AOX1: variants seen among roughly 807,000 people sequenced by gnomAD.
The protein encoded by AOX1 is aldehyde oxidase 1.
In AOX1, 153 loss-of-function variants were observed where a neutral mutation model predicts 169.5. That is an observed-to-expected ratio of 0.90 (90% CI 0.79 to 1.03). The LOEUF (loss-of-function observed/expected upper bound fraction) is 1.03, where lower values mean the gene tolerates loss of function less well. Among genes scored for constraint, AOX1 ranks in the 50% least tolerant of loss-of-function variants. The pLI is 0.00. For synonymous variants in AOX1, 562 were observed against 581.9 expected (o/e 0.97, Z 0.49); for missense variants, 1,656 against 1,663.9 (o/e 1.00, Z 0.08).
chr2:200,612,390 A>G (rs1306954562), intron 13 of AOX1, among the ~76,000 whole-genome samples: 4 of 152,186 alleles, frequency 2.6e-5, no homozygotes, highest in Non-Finnish European at 5.9e-5. Flanking sequence ...TTTTCTGGAG[A>G]TGCTGGGGGC....
intron 20 of AOX1, among the ~76,000 whole-genome samples, chr2:200,627,864 G>C (rs567229119): frequency 3.6e-4 from 55 of 152,198 alleles, no homozygotes; most frequent in African/African-American, 1.3e-3. Flanking sequence ...GAATTGATAG[G>C]CTTTATTAGG....
chr2:200,587,468 A>G (rs915068211), intron 1 of AOX1, among the ~76,000 whole-genome samples: 6 of 152,188 alleles, frequency 3.9e-5, no homozygotes, highest in Non-Finnish European at 7.4e-5. Flanking sequence ...ACCAGTGTGA[A>G]GCACCAGGCC....
chr2:200,613,698 A>T, intron 14 of AOX1, 106 bp from the exon 15 acceptor site: 2 of 1,137,016 alleles, frequency 1.8e-6, no homozygotes, highest in Non-Finnish European at 2.4e-6. Context: ...CAGAGCTTGT[A>T]CTCTTATTTC....
chr2:200,604,600 A>T, intron 8 of AOX1, 96 bp from the exon 9 acceptor site: 4 of 1,292,188 alleles, frequency 3.1e-6, no homozygotes, highest in Non-Finnish European at 4.4e-6. Context: ...GAAGATATGT[A>T]TTTTCTCATT....
chr2:200,652,190 T>G (rs1347786726), intron 26 of AOX1, among the ~76,000 whole-genome samples: 2 of 152,184 alleles, frequency 1.3e-5, no homozygotes, highest in African/African-American at 2.4e-5. Context: ...CCATCCCATA[T>G]CCATCCATTC....
chr2:200,665,578 C>G (rs1035031215), intron 31 of AOX1, among the ~76,000 whole-genome samples: 9 of 152,140 alleles, frequency 5.9e-5, no homozygotes, highest in African/African-American at 1.9e-4. Context: ...ACTACAGGCA[C>G]GTGCCATCAC....
At chr2:200,681,865 G>A (rs1379534410), downstream of AOX1, among the ~76,000 whole-genome samples, 1 of 151,932 alleles carries the variant, frequency 6.6e-6, no homozygotes, top group Admixed American at 6.5e-5. Flanking sequence ...GAAATATTAC[G>A]ACTCTAAAAT....
intron 23 of AOX1, 60 bp from the exon 24 acceptor site, chr2:200,641,038 G>T (rs753098903): frequency 4.1e-5 from 53 of 1,296,440 alleles, no homozygotes; most frequent in Non-Finnish European, 5.6e-5. Flanking sequence ...GTTTGCAAAT[G>T]ACAAAATTTG....
At chr2:200,603,546 A>G (rs1208141422) in intron 7 of AOX1, among the ~76,000 whole-genome samples, 190 bp downstream of exon 7, 1 of 152,216 alleles carries the variant, frequency 6.6e-6, no homozygotes, top group Non-Finnish European at 1.5e-5. Flanking sequence ...CATTCCAGAT[A>G]TTATTCCCAT....
intron 20 of AOX1, among the ~76,000 whole-genome samples, chr2:200,629,143 G>A (rs1330811650): frequency 1.3e-5 from 2 of 152,030 alleles, no homozygotes. Context: ...AGCGTGTCAG[G>A]GGCTGACTGG....
In AOX1 at chr2:200,586,022, G is replaced by T. The variant is rs919867429; in HGVS notation, c.-87G>T. On this transcript the variant is annotated 5_prime_UTR_variant, in exon 1 of 35. Transcript: ENST00000374700. ...CCAGCAAGCCCCGCCCCACTCGGCG[G>T]GTCGGTGCCGCCGGGTCCCAGGTGC... The T allele has an allele frequency of 9.5e-6, 14 of 1,469,330 alleles. No individual in the cohort carries two copies. The highest frequency in any genetic ancestry group is 8.4e-5 in the African/African-American group (6 of 71,256). 91.0% of individuals were successfully genotyped at this position (1,469,330 alleles called of 1,614,324 possible).
intron 12 of AOX1, 125 bp from the exon 13 acceptor site, chr2:200,611,259 G>A (rs2034633437): frequency 1.4e-6 from 1 of 702,556 alleles, no homozygotes; most frequent in Non-Finnish European, 2.5e-6. Context: ...GCGAAGCATA[G>A]GAAGAGCACC....
rs149415945 is a variant in AOX1, at chr2:200,651,036, C to T, written c.2910C>T (p.Ala970=). The change falls in exon 26 of 35, where the codon GCC becomes GCT. Residue 970 remains alanine, a synonymous_variant. Coordinates refer to ENST00000374700, the MANE Select transcript of AOX1 (RefSeq NM_001159.4). ...CACCCTACAAACAAGAGATCAATGC[C>T]AAGAACCTAATCCAGTGTTGGAGAG... ...DQTPYKQEIN[A]KNLIQCWREC... is the part of the protein sequence containing the mutation. 93 of 1,614,080 alleles carry T rather than the reference C, an allele frequency of 5.8e-5. 1 individual carries two copies. The highest frequency in any genetic ancestry group is 4.1e-5 in the Non-Finnish European group (48 of 1,180,048).
intron 28 of AOX1, among the ~76,000 whole-genome samples, 197 bp from the exon 29 acceptor site, chr2:200,659,782 TCTCTCACACACACACA>T (rs1308278172): frequency 1.2e-4 from 16 of 134,740 alleles, no homozygotes; most frequent in South Asian, 7.2e-4. Flanking sequence ...GCCAGTTCTC[TCTCTCACACACACACA>T]CACACACACA....
intron 16 of AOX1, among the ~76,000 whole-genome samples, chr2:200,620,038 G>A (rs572112288): frequency 6.6e-6 from 1 of 152,186 alleles, no homozygotes; most frequent in Non-Finnish European, 1.5e-5. Context: ...CAAGAAGAAA[G>A]ATTTAAATTT....
chr2:200,613,684 G>T lies in AOX1; in HGVS notation c.1449-120G>T, dbSNP rs2034691663. 6 of 1,009,944 alleles carry T rather than the reference G, an allele frequency of 5.9e-6. No individual in the cohort carries two copies. In the South Asian group the frequency reaches 1.2e-4, roughly 20 times the overall value. The allele number at this position is 1,009,944 out of a possible 1,614,324, so 62.6% of individuals were successfully genotyped here. On this transcript the variant is annotated intron_variant, in intron 14 of 34. Coordinates refer to ENST00000374700, the MANE Select transcript of AOX1 (RefSeq NM_001159.4). ...GGGCCAATTTGAACTCGGGCTGCCT[G>T]ATCCAGAGCTTGTACTCTTATTTCC...
intron 13 of AOX1, among the ~76,000 whole-genome samples, chr2:200,611,822 A>T (rs1172335113): frequency 6.6e-6 from 1 of 151,332 alleles, no homozygotes; most frequent in Non-Finnish European, 1.5e-5. Context: ...CTCCTGCCTC[A>T]GCCTCCCGAG....
intron 29 of AOX1, among the ~76,000 whole-genome samples, chr2:200,660,610 A>G (rs1174405021): frequency 2.0e-5 from 3 of 152,204 alleles, no homozygotes; most frequent in Admixed American, 2.0e-4. Flanking sequence ...TTCTAAAGTC[A>G]GCTAACAAAC....
At chr2:200,613,025 T>TGAGAGAGA (rs200261175) in intron 14 of AOX1, among the ~76,000 whole-genome samples, 165 of 95,882 alleles carry the variant, frequency 1.7e-3, no homozygotes, top group Middle Eastern at 4.9e-3. Flanking sequence ...TGTGTGTGTG[T>TGAGAGAGA]GTGAGAGAGA....
Sources: gnomAD v4.1 joint callset for allele counts (sites outside exome capture counted in the v4.1 genomes callset) on GRCh38, gnomAD v4.1.1 for gene constraint, MANE v1.5 for transcripts, NCBI Gene and HGNC (gene_info 2026-07-23, HGNC 2026-07-21) for gene names.